Variants in COL10A1 observed in about 807,000 individuals in gnomAD.
COL10A1 encodes the protein collagen type X alpha 1 chain.
A neutral mutation model predicts 18.2 loss-of-function variants in COL10A1; 10 were observed. The ratio of observed to expected loss-of-function variants is 0.55; its 90% CI spans 0.34 to 0.93. The LOEUF (loss-of-function observed/expected upper bound fraction) is 0.93. COL10A1 is among the 40% of genes least tolerant of loss of function. COL10A1 has a pLI of 0.02. For missense variants in COL10A1, 897 were observed against 853.5 expected (o/e 1.05, Z -0.64); for synonymous variants, 330 against 316.6 (o/e 1.04, Z -0.45).
intron 1 of COL10A1, among the ~76,000 whole-genome samples, chr6:116,142,848 C>A (rs1376014581): frequency 6.6e-6 from 1 of 152,106 alleles, no homozygotes; most frequent in Non-Finnish European, 1.5e-5. Context: ...TGTTCTGATG[C>A]CTTCATTACA....
At chr6:116,175,111 CAATAA>C in the COL10A1 span, among the ~76,000 whole-genome samples, 1 of 151,996 alleles carries the variant, frequency 6.6e-6, no homozygotes, top group Non-Finnish European at 1.5e-5. Context: ...AATTTATATA[CAATAA>C]AATATGTATA....
the COL10A1 span, among the ~76,000 whole-genome samples, chr6:116,186,518 C>G: frequency 6.5e-4 from 99 of 151,984 alleles, 2 homozygotes; most frequent in South Asian, 0.02. Flanking sequence ...ACCAGTTGTT[C>G]TTAGGTTTGG....
chr6:116,139,415 A>G (rs541065364), intron 1 of COL10A1, among the ~76,000 whole-genome samples: 1 of 152,300 alleles, frequency 6.6e-6, no homozygotes, highest in Non-Finnish European at 1.5e-5. Flanking sequence ...GAACAATTGT[A>G]TTTGAAATCC....
At chr6:116,178,552 C>T in the COL10A1 span, among the ~76,000 whole-genome samples, 1 of 152,168 alleles carries the variant, frequency 6.6e-6, no homozygotes, top group Non-Finnish European at 1.5e-5. Context: ...GAAGTCATAA[C>T]TAGTGTCAGC....
the COL10A1 span, among the ~76,000 whole-genome samples, chr6:116,205,817 G>GA: frequency 6.6e-6 from 1 of 151,976 alleles, no homozygotes; most frequent in Non-Finnish European, 1.5e-5. Context: ...AATGTGTAAT[G>GA]AAAAAATCAA....
chr6:116,119,975 A>G lies in COL10A1; in HGVS notation c.*98T>C, dbSNP rs1474908186. On this transcript the variant is annotated 3_prime_UTR_variant, in exon 3 of 3. Coordinates refer to ENST00000651968, the MANE Select transcript of COL10A1 (RefSeq NM_000493.4). Reference sequence around the variant, plus strand: ...ATCTGTATTTCAGAAAATAAAAATTACATTCTTTTCAGCCTACCTCCATAT... The same window carrying G: ...ATCTGTATTTCAGAAAATAAAAATTGCATTCTTTTCAGCCTACCTCCATAT... 1.8e-6 allele frequency: 2 copies of G among 1,096,314 alleles called. No individual in the cohort carries two copies. Among genetic ancestry groups the G allele is most frequent in the African/African-American group, 1.6e-5 (1 of 64,106 alleles). 67.9% of individuals were successfully genotyped at this position (1,096,314 alleles called of 1,614,324 possible). A position where few individuals can be genotyped will look rare whatever the true frequency, so the allele number is the denominator to read the frequency against.
In COL10A1 at chr6:116,120,381, G is replaced by A; in HGVS notation, c.1735C>T (p.Gln579Ter). The change falls in exon 3 of 3, where the codon CAA (glutamine) becomes TAA (stop). Residue 579 changes from glutamine to a stop codon, truncating the protein, a stop_gained. Coordinates refer to ENST00000651968, the MANE Select transcript of COL10A1 (RefSeq NM_000493.4). LOFTEE classifies it high-confidence loss of function. ...IPFDKILYNRQQHYDPRTGIF... is the reference protein window; with the variant it reads ...IPFDKILYNR ...CCAGTCCTTGGGTCATAATGCTGTTGCCTGTTATACAAAATTTTATCAAAT... is the reference window on the plus strand; with the variant it reads ...CCAGTCCTTGGGTCATAATGCTGTTACCTGTTATACAAAATTTTATCAAAT... 1 of 1,614,232 alleles carries A rather than the reference G, an allele frequency of 6.2e-7. No homozygotes were observed. The highest frequency in any genetic ancestry group is 8.5e-7 in the Non-Finnish European group (1 of 1,180,038).
the COL10A1 span, among the ~76,000 whole-genome samples, chr6:116,164,837 G>A: frequency 6.6e-6 from 1 of 151,892 alleles, no homozygotes; most frequent in Non-Finnish European, 1.5e-5. Flanking sequence ...AAAGATACAC[G>A]CTTTGGGAGG....
At chr6:116,211,158 A>T in the COL10A1 span, among the ~76,000 whole-genome samples, 1 of 152,068 alleles carries the variant, frequency 6.6e-6, no homozygotes, top group Admixed American at 6.6e-5. Context: ...GAGAAAGCTC[A>T]AGCTAGCTAA....
chr6:116,195,364 G>A, the COL10A1 span, among the ~76,000 whole-genome samples: 1 of 151,748 alleles, frequency 6.6e-6, no homozygotes, highest in Non-Finnish European at 1.5e-5. Flanking sequence ...ACCATTTTCT[G>A]TATTTTTCTA....
chr6:116,170,068 T>A, the COL10A1 span, among the ~76,000 whole-genome samples: 1 of 152,162 alleles, frequency 6.6e-6, no homozygotes, highest in African/African-American at 2.4e-5. Context: ...ACATTGTCCA[T>A]AGCTAATCCC....
Position 116,126,079 on chromosome 6 carries a change from G to T in COL10A1, c.-42C>A, listed in dbSNP as rs1166760047. On this transcript the variant is annotated 5_prime_UTR_variant, in exon 1 of 3. Coordinates refer to ENST00000651968, the MANE Select transcript of COL10A1 (RefSeq NM_000493.4). ...TGCGTGCTGGGAGTTCCTGGAGATG[G>T]TGCCTTGGCAGCTTTCTGAAGCTTC... The T allele has an allele frequency of 6.5e-6, 1 of 154,532 alleles. No individual in the cohort carries two copies. The highest frequency in any genetic ancestry group is 2.4e-5 in the African/African-American group (1 of 41,474). 9.6% of individuals were successfully genotyped at this position (154,532 alleles called of 1,614,324 possible).
chr6:116,129,942 C>T (rs1283216236), upstream of COL10A1, among the ~76,000 whole-genome samples: 1 of 152,156 alleles, frequency 6.6e-6, no homozygotes, highest in Non-Finnish European at 1.5e-5. Context: ...AGATACAGCA[C>T]ACACAAATAC....
chr6:116,166,119 C>A, the COL10A1 span, among the ~76,000 whole-genome samples: 5 of 152,028 alleles, frequency 3.3e-5, no homozygotes, highest in Non-Finnish European at 5.9e-5. Context: ...AGAGAAGCAC[C>A]CCAACCTACC....
At chr6:116,185,530 A>G in the COL10A1 span, among the ~76,000 whole-genome samples, 1 of 152,038 alleles carries the variant, frequency 6.6e-6, no homozygotes, top group Non-Finnish European at 1.5e-5. Context: ...TAACTGTTTT[A>G]TAAATTTGGG....
rs760179986 is a variant in COL10A1, at chr6:116,137,939, C to T, written c.-15-12432G>A. ...TACCAAAAATACAAAATTAGCCAGG[C>T]GTGGTGGTGTGTGTCTGTAATCCAA... On this transcript the variant is annotated intron_variant, in intron 1 of 1. Transcript: ENST00000418500. 2.6e-5 allele frequency among the ~76,000 whole-genome samples: 4 copies of T among 151,850 alleles called. No homozygotes were observed. In the South Asian group the frequency reaches 6.2e-4, roughly 24 times the overall value.
At chr6:116,183,181 TGTAA>T in the COL10A1 span, among the ~76,000 whole-genome samples, 2 of 152,150 alleles carry the variant, frequency 1.3e-5, no homozygotes, top group African/African-American at 4.8e-5. Context: ...ATCAGTAGGC[TGTAA>T]GTATTTGGCT....
chr6:116,211,602 T>G, the COL10A1 span, among the ~76,000 whole-genome samples: 2 of 152,064 alleles, frequency 1.3e-5, no homozygotes, highest in African/African-American at 4.8e-5. Context: ...GCCAAATAAG[T>G]ATAAATGTAT....
At chr6:116,135,884 C>CAT (rs1162896628) in intron 1 of COL10A1, among the ~76,000 whole-genome samples, 109 of 141,402 alleles carry the variant, frequency 7.7e-4, no homozygotes, top group African/African-American at 2.8e-3. Flanking sequence ...CACACATACA[C>CAT]ACACATTGCT....
Sources: gnomAD v4.1 joint callset for allele counts (sites outside exome capture counted in the v4.1 genomes callset) on GRCh38, gnomAD v4.1.1 for gene constraint, MANE v1.5 for transcripts, NCBI Gene and HGNC (gene_info 2026-07-23, HGNC 2026-07-21) for gene names.